PRKACB: variants seen among roughly 807,000 people sequenced by gnomAD.
PRKACB encodes cAMP-dependent protein kinase catalytic subunit beta.
A neutral mutation model predicts 51.4 loss-of-function variants in PRKACB; 16 were observed. The ratio of observed to expected loss-of-function variants is 0.31; its 90% CI spans 0.21 to 0.47. The LOEUF (loss-of-function observed/expected upper bound fraction) is 0.47, where lower values mean the gene tolerates loss of function less well. Ranked by LOEUF, PRKACB falls within the 20% of genes least tolerant of loss-of-function variation. PRKACB has a pLI of 1.00. For missense variants in PRKACB, 309 were observed against 464.5 expected, an observed-to-expected ratio of 0.67 and a Z score of 3.08; for synonymous variants, 147 against 154.4, an observed-to-expected ratio of 0.95 and a Z score of 0.35.
At chr1:84,204,866 G>A in intron 8 of PRKACB, 1 of 982,776 alleles carries the variant, frequency 1.0e-6, no homozygotes, top group Non-Finnish European at 1.2e-6. Context: ...TTTATGCATT[G>A]GCCTCGATTT....
At chr1:84,196,578 C>T (rs201086032) in intron 5 of PRKACB, 38 bp from the exon 6 acceptor site, 117 of 1,594,070 alleles carry the variant, frequency 7.3e-5, no homozygotes, top group Non-Finnish European at 9.6e-5. Flanking sequence ...TGTATTAACT[C>T]ATTTTTACAG....
At chr1:84,099,805 TATGTA>T (rs1291943860) in intron 1 of PRKACB, among the ~76,000 whole-genome samples, 1 of 152,210 alleles carries the variant, frequency 6.6e-6, no homozygotes, top group African/African-American at 2.4e-5. Context: ...TTAGAAATCC[TATGTA>T]ATGTATTACT....
intron 1 of PRKACB, among the ~76,000 whole-genome samples, chr1:84,159,480 A>G (rs1249336718): frequency 6.6e-6 from 1 of 152,058 alleles, no homozygotes; most frequent in Non-Finnish European, 1.5e-5. Context: ...TGCTAAACTC[A>G]TTTTTTAGTT....
intron 1 of PRKACB, among the ~76,000 whole-genome samples, chr1:84,150,496 G>C (rs917336785): frequency 6.6e-6 from 1 of 152,148 alleles, no homozygotes; most frequent in African/African-American, 2.4e-5. Context: ...GGGGCCTAAT[G>C]GGAGGCGTTT....
chr1:84,193,571 G>C (rs1195227301), intron 5 of PRKACB, among the ~76,000 whole-genome samples: 1 of 152,296 alleles, frequency 6.6e-6, no homozygotes, highest in East Asian at 1.9e-4. Context: ...CACTAGCAAA[G>C]TTTTGGGGAG....
intron 1 of PRKACB, among the ~76,000 whole-genome samples, chr1:84,128,768 A>T (rs891288327): frequency 1.3e-5 from 2 of 152,188 alleles, no homozygotes; most frequent in Admixed American, 6.5e-5. Flanking sequence ...TAGTTTAAAA[A>T]GTGGCATATC....
chr1:84,207,225 A>C lies in PRKACB; in HGVS notation c.906+4420A>C, dbSNP rs1671466523. 7.2e-5 allele frequency among the ~76,000 whole-genome samples: 11 copies of C among 152,136 alleles called. No homozygotes were observed. The South Asian group carries it at 2.1e-3, about 29-fold the overall frequency. ...CAAAACTGGCTTCTTATGTGAGAGC[A>C]GGGGGAGGGAGAATGGGGTGGATCA... On this transcript the variant is annotated intron_variant, in intron 8 of 9. Coordinates refer to ENST00000370685, the MANE Select transcript of PRKACB (RefSeq NM_182948.4).
rs1013351442 is a variant in PRKACB at position 84,236,327 on chromosome 1, A to G, written c.*1022A>G. 2 of 152,570 alleles carry G rather than the reference A, an allele frequency of 1.3e-5. No individual in the cohort carries two copies. The highest frequency in any genetic ancestry group is 4.8e-5 in the African/African-American group (2 of 41,446). 9.5% of individuals were successfully genotyped at this position (152,570 alleles called of 1,614,324 possible). On this transcript the variant is annotated 3_prime_UTR_variant, in exon 10 of 10. Coordinates refer to ENST00000370685, the MANE Select transcript of PRKACB (RefSeq NM_182948.4). ...AAATGGCTTGATTTTTGGAAACAAT[A>G]TAGAGGTATTCATATTTAAATGAGG...
chr1:84,100,701 ATCTATC>A (rs1649284893), intron 1 of PRKACB, among the ~76,000 whole-genome samples: 1 of 152,172 alleles, frequency 6.6e-6, no homozygotes, highest in African/African-American at 2.4e-5. Flanking sequence ...ACCTTAGAAG[ATCTATC>A]TACCTACCTA....
In PRKACB at chr1:84,130,486, A is replaced by G. The variant is rs115778136; in HGVS notation, c.47-48691A>G. 3.8e-3 allele frequency among the ~76,000 whole-genome samples: 583 copies of G among 152,320 alleles called. 4 individuals are homozygous for G. The highest frequency in any genetic ancestry group is 0.013 in the African/African-American group (521 of 41,574). On this transcript the variant is annotated intron_variant, in intron 1 of 8. Transcript: ENST00000370688. Reference sequence around the variant, plus strand: ...TGTCTATTGTAAACAACAGGAAAACATTTGTTTAATAAAGGGAAAAGAGCC... The same window carrying G: ...TGTCTATTGTAAACAACAGGAAAACGTTTGTTTAATAAAGGGAAAAGAGCC...
intron 1 of PRKACB, among the ~76,000 whole-genome samples, chr1:84,176,031 C>T (rs1661138057): frequency 6.6e-6 from 1 of 151,558 alleles, no homozygotes; most frequent in Non-Finnish European, 1.5e-5. Context: ...TTACTAATCA[C>T]TGTTAGATGC....
At chr1:84,221,866 T>C (rs1399111782) in intron 9 of PRKACB, among the ~76,000 whole-genome samples, 1 of 152,168 alleles carries the variant, frequency 6.6e-6, no homozygotes, top group East Asian at 1.9e-4. Flanking sequence ...TCCTGGAGAA[T>C]GTTCCATGTG....
upstream of PRKACB, chr1:84,078,087 TGCCACCGCCGTCGCCGCCGCCGCC>T (rs1352598140): frequency 5.0e-6 from 2 of 400,216 alleles, no homozygotes; most frequent in Non-Finnish European, 8.6e-6. Flanking sequence ...CCACTGCTGC[TGCCACCGCCGTCGCCGCCGCCGCC>T]GCCGCCGCCG....
At chr1:84,185,059 C>T (rs953805185) in intron 4 of PRKACB, 41 bp from the exon 5 acceptor site, 2 of 1,210,666 alleles carry the variant, frequency 1.7e-6, no homozygotes, top group Non-Finnish European at 2.3e-6. Context: ...ATAATTTTGA[C>T]CTAAGTTGAA....
rs557056077 is a variant in PRKACB at position 84,217,709 on chromosome 1, C to T, written c.1071+3392C>T. On this transcript the variant is annotated intron_variant, in intron 9 of 9. Coordinates refer to ENST00000370685, the MANE Select transcript of PRKACB (RefSeq NM_182948.4). ...CCTGGAGGCTGAGGCAGGAGGATCA[C>T]TTAAGCCCAAGAGGTCAAGGCTGCA... 2.6e-5 allele frequency among the ~76,000 whole-genome samples: 4 copies of T among 152,300 alleles called. No individual in the cohort carries two copies. In the East Asian group the frequency reaches 7.7e-4, roughly 29 times the overall value.
intron 9 of PRKACB, among the ~76,000 whole-genome samples, chr1:84,216,649 A>AAAGCAACT (rs1672927490): frequency 1.3e-5 from 2 of 152,198 alleles, no homozygotes; most frequent in Admixed American, 1.3e-4. Context: ...ATAATTAATA[A>AAAGCAACT]AAGCAACTCC....
At chr1:84,232,464 C>G (rs1286482317) in intron 9 of PRKACB, among the ~76,000 whole-genome samples, 3 of 152,094 alleles carry the variant, frequency 2.0e-5, no homozygotes, top group Non-Finnish European at 2.9e-5. Context: ...GAGTTCAATT[C>G]CTTGTTGACT....
intron 9 of PRKACB, among the ~76,000 whole-genome samples, chr1:84,228,241 C>CTA (rs1427671887): frequency 6.6e-6 from 1 of 152,046 alleles, no homozygotes; most frequent in Admixed American, 6.6e-5. Context: ...AAGTAAATAA[C>CTA]TATATATATG....
chr1:84,191,152 G>C (rs1374515683), intron 5 of PRKACB, among the ~76,000 whole-genome samples: 1 of 152,080 alleles, frequency 6.6e-6, no homozygotes, highest in Non-Finnish European at 1.5e-5. Context: ...TGTGGTAGCA[G>C]ATATTGATCT....
Sources: gnomAD v4.1 joint callset for allele counts (sites outside exome capture counted in the v4.1 genomes callset) on GRCh38, gnomAD v4.1.1 for gene constraint, MANE v1.5 for transcripts, NCBI Gene and HGNC (gene_info 2026-07-23, HGNC 2026-07-21) for gene names.